CERT1: variants seen among roughly 807,000 people sequenced by gnomAD.
CERT1 encodes ceramide transporter 1, also known as ceramide transfer protein.
A neutral mutation model predicts 87.9 loss-of-function variants in CERT1; 31 were observed. The ratio of observed to expected loss-of-function variants is 0.35; its 90% confidence interval spans 0.27 to 0.48. The LOEUF (loss-of-function observed/expected upper bound fraction) is 0.48. Ranked by LOEUF, CERT1 falls within the 20% of genes least tolerant of loss-of-function variation. The pLI is 0.99. For missense variants in CERT1, 487 were observed against 758.0 expected, an observed-to-expected ratio of 0.64 and a Z score of 4.20; for synonymous variants, 289 against 250.9, an observed-to-expected ratio of 1.15 and a Z score of -1.44.
chr5:75,403,272 G>C (rs1215339903), intron 8 of CERT1, among the ~76,000 whole-genome samples: 1 of 152,116 alleles, frequency 6.6e-6, no homozygotes, highest in African/African-American at 2.4e-5. Context: ...TTTACTTACT[G>C]TATATTGACC....
intron 2 of CERT1, among the ~76,000 whole-genome samples, chr5:75,490,933 T>G (rs79260962): frequency 0.055 from 8,408 of 152,244 alleles, 298 homozygotes; most frequent in East Asian, 0.18. Flanking sequence ...CCATTTTTGT[T>G]CTTGATTTTG....
chr5:75,426,749 A>G (rs575140357), intron 3 of CERT1, among the ~76,000 whole-genome samples: 11 of 152,324 alleles, frequency 7.2e-5, no homozygotes, highest in South Asian at 4.1e-4. Flanking sequence ...TCATAGACAG[A>G]AAGCAGAATA....
At chr5:75,410,785 C>A in intron 8 of CERT1, 1 of 310,696 alleles carries the variant, frequency 3.2e-6, no homozygotes, top group Non-Finnish European at 5.7e-6. Context: ...AGTGAACAGG[C>A]CTAATACTAA....
At chr5:75,481,791 T>C (rs2112392520) in intron 2 of CERT1, among the ~76,000 whole-genome samples, 1 of 152,328 alleles carries the variant, frequency 6.6e-6, no homozygotes, top group East Asian at 1.9e-4. Flanking sequence ...AAACCCCGTC[T>C]TTAATTTTTG....
intron 3 of CERT1, among the ~76,000 whole-genome samples, chr5:75,430,560 T>C (rs1274872287): frequency 6.6e-6 from 1 of 151,862 alleles, no homozygotes; most frequent in Non-Finnish European, 1.5e-5. Flanking sequence ...TAGAAGAAAA[T>C]GTGGGAAGTG....
intron 9 of CERT1, chr5:75,401,551 T>C (rs1296277615): frequency 6.6e-6 from 1 of 152,146 alleles, no homozygotes; most frequent in Admixed American, 6.5e-5. Context: ...AAATAAATAA[T>C]GCTACTTCAG....
At chr5:75,497,394 A>G (rs948409069) in intron 2 of CERT1, among the ~76,000 whole-genome samples, 33 of 152,302 alleles carry the variant, frequency 2.2e-4, no homozygotes, top group African/African-American at 7.5e-4. Context: ...ATACTTAGAC[A>G]TTATCCCCCT....
At chr5:75,429,496 C>T (rs1157654414) in intron 3 of CERT1, among the ~76,000 whole-genome samples, 1 of 152,190 alleles carries the variant, frequency 6.6e-6, no homozygotes, top group Non-Finnish European at 1.5e-5. Context: ...AGCCACCCTG[C>T]CTGCCCAAAA....
chr5:75,394,642 T>C (rs945505916), intron 11 of CERT1, among the ~76,000 whole-genome samples: 2 of 152,152 alleles, frequency 1.3e-5, no homozygotes, highest in African/African-American at 2.4e-5. Context: ...GGTGGATCGC[T>C]TGAGTCCAGG....
intron 3 of CERT1, among the ~76,000 whole-genome samples, chr5:75,434,084 T>TAC (rs1397951411): frequency 2.0e-5 from 3 of 152,096 alleles, no homozygotes; most frequent in Non-Finnish European, 4.4e-5. Flanking sequence ...TCACAGGGGG[T>TAC]ACTTCCAGCT....
At chr5:75,472,912 T>C (rs1765778310) in intron 2 of CERT1, among the ~76,000 whole-genome samples, 1 of 152,224 alleles carries the variant, frequency 6.6e-6, no homozygotes, top group South Asian at 2.1e-4. Flanking sequence ...CTCCTTGGTA[T>C]ATATCTAAAG....
At chr5:75,405,717 T>A (rs776368194) in intron 8 of CERT1, among the ~76,000 whole-genome samples, 3 of 152,232 alleles carry the variant, frequency 2.0e-5, no homozygotes, top group African/African-American at 7.2e-5. Flanking sequence ...ACTACATTCA[T>A]ATAACTTTTT....
exon 18 of CERT1, chr5:75,368,568 A>G (rs1051162648): frequency 1.3e-5 from 2 of 152,204 alleles, no homozygotes; most frequent in African/African-American, 4.8e-5. Context: ...GTTATATTGC[A>G]GCTCATCCTT....
At chr5:75,410,609 C>CAAAAAAAAAAAAAA (rs34428665) in intron 8 of CERT1, 2 of 135,274 alleles carry the variant, frequency 1.5e-5, no homozygotes, top group African/African-American at 5.6e-5. Flanking sequence ...GACTCGGTCT[C>CAAAAAAAAAAAAAA]AAAAAAAAAA....
intron 3 of CERT1, among the ~76,000 whole-genome samples, chr5:75,441,870 G>A (rs1057150505): frequency 1.3e-5 from 2 of 152,228 alleles, no homozygotes; most frequent in Non-Finnish European, 2.9e-5. Flanking sequence ...CAGGAACACG[G>A]GTATACAACT....
chr5:75,399,236 TTC>T, intron 11 of CERT1, 72 bp downstream of exon 11: 1 of 1,149,382 alleles, frequency 8.7e-7, no homozygotes. Context: ...ACCAAAAGAT[TTC>T]TAGGAACTGG....
chr5:75,374,507 C>A, downstream of CERT1: 1 of 718,698 alleles, frequency 1.4e-6, no homozygotes, highest in Non-Finnish European at 2.6e-6. Context: ...AAAAGGGCCA[C>A]AGCCACGTGC....
chr5:75,506,171 T>C (rs1767641086), intron 1 of CERT1, 55 bp from the exon 2 acceptor site: 3 of 1,559,006 alleles, frequency 1.9e-6, no homozygotes, highest in Non-Finnish European at 2.6e-6. Context: ...AGAAGTATTT[T>C]AGAAATCCAA....
intron 14 of CERT1, among the ~76,000 whole-genome samples, chr5:75,382,983 AG>A (rs1561221961): frequency 6.6e-6 from 1 of 152,138 alleles, no homozygotes; most frequent in African/African-American, 2.4e-5. Flanking sequence ...TCAAGAGACC[AG>A]TAGCCCTCTT....
Sources: gnomAD v4.1 joint callset for allele counts (sites outside exome capture counted in the v4.1 genomes callset) on GRCh38, gnomAD v4.1.1 for gene constraint, MANE v1.5 for transcripts, NCBI Gene and HGNC (gene_info 2026-07-23, HGNC 2026-07-21) for gene names.